Variants in CNOT1 observed in about 807,000 individuals in gnomAD.
CNOT1 encodes the protein CCR4-associated factor 1.
Under a neutral mutation model 273.8 loss-of-function variants are expected in CNOT1, and 15 were observed. That is an observed-to-expected ratio of 0.05 (90% confidence interval 0.04 to 0.08). The LOEUF is 0.08. Among genes scored for constraint, CNOT1 ranks in the 10% least tolerant of loss-of-function variants. The probability of loss-of-function intolerance (pLI) is 1.00; values close to 1 mark genes in which losing one functional copy is unlikely to be tolerated. For missense variants in CNOT1, 1,644 were observed against 2,912.2 expected, an observed-to-expected ratio of 0.56 and a Z score of 10.02; for synonymous variants, 1,022 against 1,005.5, an observed-to-expected ratio of 1.02 and a Z score of -0.31.
chr16:58,620,653 TAAAAAAAAAAA>T (rs200053031), intron 1 of CNOT1, among the ~76,000 whole-genome samples: 6 of 106,830 alleles, frequency 5.6e-5, no homozygotes, highest in Non-Finnish European at 7.2e-5. Flanking sequence ...CTGTCTCATT[TAAAAAAAAAAA>T]AAAAAAAAAA....
intron 1 of CNOT1, among the ~76,000 whole-genome samples, chr16:58,621,739 A>T (rs1469592025): frequency 6.8e-6 from 1 of 147,818 alleles, no homozygotes; most frequent in African/African-American, 2.5e-5. Flanking sequence ...TAACACGGTG[A>T]AACCCCGTCT....
intron 42 of CNOT1, among the ~76,000 whole-genome samples, chr16:58,531,509 A>C (rs920909580): frequency 6.7e-6 from 1 of 149,680 alleles, no homozygotes; most frequent in South Asian, 2.1e-4. Context: ...TTAAAGTGAG[A>C]GTCTGTAAAA....
At chr16:58,542,749 C>G (rs1158629976) in intron 31 of CNOT1, among the ~76,000 whole-genome samples, 181 bp from the exon 32 acceptor site, 5 of 152,134 alleles carry the variant, frequency 3.3e-5, no homozygotes, top group Non-Finnish European at 7.4e-5. Flanking sequence ...ACTTTTAAGA[C>G]AAAAATATCC....
chr16:58,525,865 A>C lies in CNOT1; in HGVS notation c.6603+124T>G, dbSNP rs533572536. On this transcript the variant is annotated intron_variant, in intron 45 of 48. Coordinates refer to ENST00000317147, the MANE Select transcript of CNOT1 (RefSeq NM_016284.5). ...GTAAAATACGTAAATCCAGTTAATC[A>C]ACCTCACCCAATTGATGGAAATGAC... 4.5e-5 allele frequency: 36 copies of C among 801,056 alleles called. 1 individual carries two copies. The East Asian group carries it at 5.2e-4, about 12-fold the overall frequency. The allele number at this position is 801,056 out of a possible 1,614,324, so 49.6% of individuals were successfully genotyped here. A position where few individuals can be genotyped will look rare whatever the true frequency, so the allele number is the denominator to read the frequency against.
At chr16:58,610,268 A>C (rs1271727765) in intron 1 of CNOT1, among the ~76,000 whole-genome samples, 1 of 152,162 alleles carries the variant, frequency 6.6e-6, no homozygotes, top group Non-Finnish European at 1.5e-5. Flanking sequence ...AAATACAAAA[A>C]ACTAGCCAGG....
chr16:58,538,751 T>C (rs1182949866), intron 36 of CNOT1, 21 bp downstream of exon 36: 1 of 1,610,152 alleles, frequency 6.2e-7, no homozygotes, highest in East Asian at 2.2e-5. Flanking sequence ...TACTCACTAC[T>C]TTTCGAAGAT....
intron 1 of CNOT1, among the ~76,000 whole-genome samples, chr16:58,621,242 C>A (rs569716086): frequency 2.6e-5 from 4 of 152,080 alleles, no homozygotes; most frequent in East Asian, 3.9e-4. Context: ...GGATTGCAGG[C>A]GTGAGCCACT....
chr16:58,613,181 G>A (rs139007148), intron 1 of CNOT1, among the ~76,000 whole-genome samples: 1,959 of 152,098 alleles, frequency 0.013, 44 homozygotes, highest in African/African-American at 0.045. Context: ...ACAGGCATGC[G>A]CCAACACGCC....
At chr16:58,529,209 G>A (rs1329017694) in intron 43 of CNOT1, among the ~76,000 whole-genome samples, 1 of 152,046 alleles carries the variant, frequency 6.6e-6, no homozygotes, top group African/African-American at 2.4e-5. Context: ...AGTGGAAATA[G>A]AACACCTTAG....
Position 58,578,806 on chromosome 16 carries a change from T to C in CNOT1, c.1477A>G (p.Thr493Ala). 6.2e-7 allele frequency: 1 copy of C among 1,613,882 alleles called. No individual in the cohort carries two copies. The highest frequency in any genetic ancestry group is 8.5e-7 in the Non-Finnish European group (1 of 1,179,992). ...MLVLALLQINTSWHTLRHELI... is the reference protein window; with the variant it reads ...MLVLALLQINASWHTLRHELI... ...TCATGGCGCAAGGTATGCCAAGAGG[T>C]GTTAATTTGTAGTAAGGCCAATACC... The change falls in exon 13 of 49, where the codon ACC becomes GCC. Residue 493 changes from threonine (T) to alanine (A), a missense_variant. This residue lies in a region of CNOT1 where 706 missense variants were observed against 1,021.2 expected (regional missense o/e 0.69). Coordinates refer to ENST00000317147, the MANE Select transcript of CNOT1 (RefSeq NM_016284.5).
At chr16:58,523,293 A>G (rs1245541792) in intron 47 of CNOT1, 77 bp downstream of exon 47, 16 of 1,433,082 alleles carry the variant, frequency 1.1e-5, no homozygotes, top group Non-Finnish European at 1.5e-5. Context: ...TGAACACTGA[A>G]AGCATAAAGA....
intron 16 of CNOT1, among the ~76,000 whole-genome samples, chr16:58,563,515 T>C (rs1401438384): frequency 2.6e-5 from 4 of 152,354 alleles, no homozygotes; most frequent in South Asian, 4.1e-4. Context: ...CCTAAAGGTA[T>C]TGGTCTACTT....
intron 19 of CNOT1, among the ~76,000 whole-genome samples, chr16:58,556,354 G>A (rs906979019): frequency 6.6e-6 from 1 of 152,146 alleles, no homozygotes; most frequent in African/African-American, 2.4e-5. Flanking sequence ...CAAGTCAGCT[G>A]GAATACTTTC....
intron 30 of CNOT1, among the ~76,000 whole-genome samples, chr16:58,544,180 A>C (rs2040183940): frequency 6.6e-6 from 1 of 152,216 alleles, no homozygotes; most frequent in African/African-American, 2.4e-5. Flanking sequence ...AACTACTTAA[A>C]GACACACTGC....
At chr16:58,578,175 C>T (rs956167703) in intron 13 of CNOT1, among the ~76,000 whole-genome samples, 1 of 152,040 alleles carries the variant, frequency 6.6e-6, no homozygotes. Flanking sequence ...AAATATTGGC[C>T]GGGTGTGGTG....
chr16:58,540,015 T>C (rs896814017), intron 34 of CNOT1, 56 bp from the exon 35 acceptor site: 89 of 1,537,862 alleles, frequency 5.8e-5, no homozygotes, highest in Non-Finnish European at 7.4e-5. Flanking sequence ...AGGTTTTTTA[T>C]TGACACATGT....
In CNOT1 at chr16:58,614,009, G is replaced by A. The variant is rs865872742; in HGVS notation, c.-174-14498C>T. On this transcript the variant is annotated intron_variant, in intron 1 of 48. Coordinates refer to ENST00000317147, the MANE Select transcript of CNOT1 (RefSeq NM_016284.5). The stretch of plus-strand genomic sequence containing the variant: ...CAGGAGGCTGAGGCAGGAGAATGGC[G>A]TGAACCCGGGAGGCGGAGCTTGCAG... Among the ~76,000 whole-genome samples, 8 of 113,930 alleles carry A rather than the reference G, an allele frequency of 7.0e-5. 3 individuals are homozygous for A. Among genetic ancestry groups the A allele is most frequent in the East Asian group, 2.1e-4 (1 of 4,860 alleles). 74.7% of individuals were successfully genotyped at this position (113,930 alleles called of 152,430 possible). A position where few individuals can be genotyped will look rare whatever the true frequency, so the allele number is the denominator to read the frequency against.
chr16:58,560,395 G>A (rs1385964130), intron 16 of CNOT1, 33 bp from the exon 17 acceptor site: 3 of 1,606,606 alleles, frequency 1.9e-6, no homozygotes, highest in Non-Finnish European at 2.5e-6. Flanking sequence ...AAAAATATCA[G>A]TTCCTATTCT....
intron 1 of CNOT1, among the ~76,000 whole-genome samples, chr16:58,619,226 T>C (rs2152045679): frequency 6.6e-6 from 1 of 152,212 alleles, no homozygotes; most frequent in South Asian, 2.1e-4. Flanking sequence ...AGTAGCCTTC[T>C]TGAAGCTATT....
Sources: gnomAD v4.1 joint callset for allele counts (sites outside exome capture counted in the v4.1 genomes callset) on GRCh38, gnomAD v4.1.1 for gene constraint, gnomAD v4.1.1 regional missense constraint, MANE v1.5 for transcripts, NCBI Gene and HGNC (gene_info 2026-07-23, HGNC 2026-07-21) for gene names.